Variants in HIVEP1 observed in about 807,000 individuals in gnomAD.
The protein encoded by HIVEP1 is zinc finger protein 40.
A neutral mutation model predicts 180.0 loss-of-function variants in HIVEP1; 36 were observed. The observed-to-expected ratio is 0.20, with a 90% CI of 0.15 to 0.26. The LOEUF (loss-of-function observed/expected upper bound fraction) is 0.26. Among genes scored for constraint, HIVEP1 ranks in the 10% least tolerant of loss-of-function variants. The pLI, the probability that HIVEP1 is intolerant of heterozygous loss-of-function variation, is 1.00. For synonymous variants in HIVEP1, 1,239 were observed against 1,239.0 expected, an observed-to-expected ratio of 1.00 and a Z score of 0.00; for missense variants, 3,143 against 3,268.7, an observed-to-expected ratio of 0.96 and a Z score of 0.94.
Position 12,124,401 on chromosome 6 carries a change from C to A in HIVEP1, c.4606C>A (p.Gln1536Lys), listed in dbSNP as rs1228606818. 3 of 1,613,968 alleles carry A rather than the reference C, an allele frequency of 1.9e-6. No individual in the cohort carries two copies. The highest frequency in any genetic ancestry group is 2.5e-6 in the Non-Finnish European group (3 of 1,179,978). The change falls in exon 4 of 9, where the codon CAG becomes AAG. Residue 1536 changes from glutamine (Q) to lysine (K), a missense_variant. Physicochemically the swap from Gln to Lys is moderately conservative, Grantham distance 53. Transcript: ENST00000379388. ...STQLSLQVST[Q>K]GSKPDKNSVL... Reference sequence around the variant, plus strand: ...ACAGCTATCTCTGCAAGTGTCTACGCAGGGTAGCAAGCCAGATAAAAATTC... The same window carrying A: ...ACAGCTATCTCTGCAAGTGTCTACGAAGGGTAGCAAGCCAGATAAAAATTC...
At chr6:12,066,893 T>TAC (rs1180505645) in intron 2 of HIVEP1, among the ~76,000 whole-genome samples, 46 of 151,990 alleles carry the variant, frequency 3.0e-4, no homozygotes, top group African/African-American at 1.1e-3. Flanking sequence ...TATATATATA[T>TAC]ACACACACAT....
At position 12,123,299 on chromosome 6, in the gene HIVEP1, G is replaced by T. The variant is rs200818014; in HGVS notation, c.3504G>T (p.Thr1168=). 27 of 1,614,100 alleles carry T rather than the reference G, an allele frequency of 1.7e-5. No homozygotes were observed. Among genetic ancestry groups the T allele is most frequent in the Non-Finnish European group, 2.2e-5 (26 of 1,180,016 alleles). The change falls in exon 4 of 9, where the codon ACG becomes ACT. Residue 1168 remains threonine (T), a synonymous_variant. Coordinates refer to ENST00000379388, the MANE Select transcript of HIVEP1 (RefSeq NM_002114.4). ...TTTCTTTCCAGGAGCTGAATAGAACGGGGAAGTCCGGGTCTCTAAAAGTGA... is the reference window on the plus strand; with the variant it reads ...TTTCTTTCCAGGAGCTGAATAGAACTGGGAAGTCCGGGTCTCTAAAAGTGA... ...SPVSFQELNR[T]GKSGSLKVIG... is the part of the protein sequence containing the mutation.
chr6:12,016,750 C>A (rs920148782), intron 2 of HIVEP1, among the ~76,000 whole-genome samples: 1 of 152,152 alleles, frequency 6.6e-6, no homozygotes, highest in Non-Finnish European at 1.5e-5. Context: ...GTGTGGAAAT[C>A]TGATTTTTTA....
chr6:12,138,763 A>G (rs1372241407), intron 7 of HIVEP1, among the ~76,000 whole-genome samples: 1 of 151,940 alleles, frequency 6.6e-6, no homozygotes, highest in African/African-American at 2.4e-5. Context: ...GGGGTGTCTA[A>G]TTAGCATCTC....
At chr6:12,022,328 A>C (rs1052216796) in intron 2 of HIVEP1, among the ~76,000 whole-genome samples, 5 of 151,754 alleles carry the variant, frequency 3.3e-5, no homozygotes, top group Non-Finnish European at 7.4e-5. Context: ...CTGCCACCGC[A>C]CCCAGCTAAT....
downstream of HIVEP1, chr6:12,165,266 A>T: frequency 2.9e-6 from 1 of 344,040 alleles, no homozygotes; most frequent in Non-Finnish European, 5.6e-6. Context: ...TACATAAAGC[A>T]TATAGCCTAA....
intron 7 of HIVEP1, among the ~76,000 whole-genome samples, chr6:12,160,883 A>G (rs1351020104): frequency 6.6e-6 from 1 of 152,216 alleles, no homozygotes; most frequent in Non-Finnish European, 1.5e-5. Context: ...TTTGGGGCCT[A>G]GTAATTTGAA....
chr6:12,167,927 GCGTATATTATATATACA>G (rs1760772469), downstream of HIVEP1, among the ~76,000 whole-genome samples: 1 of 130,936 alleles, frequency 7.6e-6, no homozygotes, highest in African/African-American at 2.9e-5. Flanking sequence ...ATGTATATCT[GCGTATATTATATATACA>G]TGTACATGTA....
the HIVEP1 span, among the ~76,000 whole-genome samples, chr6:12,182,688 C>T: frequency 1.3e-5 from 2 of 152,198 alleles, no homozygotes; most frequent in African/African-American, 4.8e-5. Context: ...GACTTGCTAT[C>T]TCTGATCTTC....
At chr6:12,114,861 G>GA (rs1206653459) in intron 3 of HIVEP1, among the ~76,000 whole-genome samples, 1 of 152,158 alleles carries the variant, frequency 6.6e-6, no homozygotes, top group Non-Finnish European at 1.5e-5. Context: ...ACAAACTACT[G>GA]AAAAAAGCCT....
rs769663635 is a variant in HIVEP1, at chr6:12,120,684, C to G, written c.889C>G (p.His297Asp). ...ACACTTTGTTCCCAAATCCAACCAA[C>G]ATAATCAACAGCTTCCGGGGTGTTC... is the stretch of plus-strand genomic sequence containing the variant. ...HEHFVPKSNQ[H>D]NQQLPGCSGF... The change falls in exon 4 of 9, where the codon CAT becomes GAT. Residue 297 changes from histidine (H) to aspartate (D), a missense_variant. This residue lies in a region of HIVEP1 where 306 missense variants were observed against 310.6 expected (regional missense o/e 0.99). Coordinates refer to ENST00000379388, the MANE Select transcript of HIVEP1 (RefSeq NM_002114.4). The G allele has an allele frequency of 6.2e-7, 1 of 1,614,216 alleles. No homozygotes were observed. The highest frequency in any genetic ancestry group is 1.7e-5 in the Admixed American group (1 of 60,030).
intron 8 of HIVEP1, 78 bp from the exon 9 acceptor site, chr6:12,163,205 A>G (rs1760514358): frequency 9.9e-7 from 1 of 1,014,010 alleles, no homozygotes; most frequent in Admixed American, 2.3e-5. Context: ...TTGTGAAGAA[A>G]TAGATTTAGC....
chr6:12,013,936 C>T (rs1240114446), intron 1 of HIVEP1, among the ~76,000 whole-genome samples: 1 of 152,168 alleles, frequency 6.6e-6, no homozygotes, highest in African/African-American at 2.4e-5. Flanking sequence ...CCTTCTTTAC[C>T]TTCTGTTTCT....
rs1261084143 is a variant in HIVEP1, at chr6:12,122,624, C to T, written c.2829C>T (p.Gly943=). Residue 943 remains glycine (G), a synonymous_variant, in exon 4 of 9, where the codon GGC becomes GGT. Transcript: ENST00000379388. ...TGAGGAGCAAGGCACTGGCACAAGG[C>T]CCACATATAGAAAAAAAGAAGTCTC... ...MSVRSKALAQ[G]PHIEKKKSHQ... is the part of the protein sequence containing the mutation. 1.2e-6 allele frequency: 2 copies of T among 1,613,834 alleles called. No individual in the cohort carries two copies. The highest frequency in any genetic ancestry group is 3.3e-5 in the Admixed American group (2 of 59,938).
intron 2 of HIVEP1, among the ~76,000 whole-genome samples, chr6:12,078,697 CAT>C (rs1387998954): frequency 2.7e-5 from 4 of 149,116 alleles, no homozygotes; most frequent in East Asian, 2.0e-4. Flanking sequence ...CACATATAAA[CAT>C]ATATATAAAC....
intron 3 of HIVEP1, among the ~76,000 whole-genome samples, chr6:12,116,443 C>T (rs1157681401): frequency 6.6e-6 from 1 of 151,998 alleles, no homozygotes; most frequent in African/African-American, 2.4e-5. Context: ...GCTTTCACTT[C>T]CACCTCTAAA....
intron 7 of HIVEP1, among the ~76,000 whole-genome samples, chr6:12,137,457 C>T (rs1435783860): frequency 6.6e-6 from 1 of 152,156 alleles, no homozygotes; most frequent in Non-Finnish European, 1.5e-5. Flanking sequence ...CATCTAATTC[C>T]AAAAGCATTT....
chr6:12,052,238 C>T (rs1475355), intron 2 of HIVEP1, among the ~76,000 whole-genome samples: 151,873 of 152,352 alleles, frequency 1, 75,697 homozygotes, highest in Middle Eastern at 1. Flanking sequence ...TATATTTACT[C>T]AACAAGGAGA....
chr6:12,095,324 A>G (rs898508091), intron 3 of HIVEP1, among the ~76,000 whole-genome samples: 3 of 151,858 alleles, frequency 2.0e-5, no homozygotes, highest in Non-Finnish European at 4.4e-5. Context: ...TTAACTTGGA[A>G]TGCTCATTCA....
Sources: gnomAD v4.1 joint callset for allele counts (sites outside exome capture counted in the v4.1 genomes callset) on GRCh38, gnomAD v4.1.1 for gene constraint, gnomAD v4.1.1 regional missense constraint, MANE v1.5 for transcripts, NCBI Gene and HGNC (gene_info 2026-07-23, HGNC 2026-07-21) for gene names.